The following RABEP1 variants were observed in gnomAD, a reference collection of about 807,000 sequenced individuals.
The protein encoded by RABEP1 is rabaptin, RAB GTPase binding effector protein 1, also known as rab GTPase-binding effector protein 1.
Under a neutral mutation model 123.4 loss-of-function variants are expected in RABEP1, and 51 were observed. That is an observed-to-expected ratio of 0.41 (90% CI 0.33 to 0.52). RABEP1 has a LOEUF of 0.52. Among genes scored for constraint, RABEP1 ranks in the 20% least tolerant of loss-of-function variants. The pLI, the probability that RABEP1 is intolerant of heterozygous loss-of-function variation, is 0.16. For missense variants in RABEP1, 888 were observed against 996.3 expected (o/e 0.89, Z 1.46); for synonymous variants, 347 against 355.2 (o/e 0.98, Z 0.26).
chr17:5,385,708 G>A lies in RABEP1; in HGVS notation c.*2485G>A, dbSNP rs2407. On this transcript the variant is annotated 3_prime_UTR_variant, in exon 18 of 18. Coordinates refer to ENST00000537505, the MANE Select transcript of RABEP1 (RefSeq NM_004703.6). ...AGTGGCCTTTGCAATTGTGGATCTT[G>A]AGCTCTGCTCTCAGCAGATTTCAGG... 98,638 of 230,764 alleles carry A rather than the reference G, an allele frequency of 0.43. 21,916 individuals are homozygous for A. The highest frequency in any genetic ancestry group is 0.67 in the East Asian group (10,798 of 16,180). 14.3% of individuals were successfully genotyped at this position (230,764 alleles called of 1,614,324 possible). A position where few individuals can be genotyped will look rare whatever the true frequency, so the allele number is the denominator to read the frequency against.
In RABEP1 at chr17:5,327,347, CAAAAA is replaced by C. The variant is rs772982752; in HGVS notation, c.164-4591_164-4587del. ...TGGGAGACAGAGTGAGATTCTGTCTCAAAAAAAAAAAAAAACCCCAAAAAACAAAC... is the reference window on the plus strand; with the variant it reads ...TGGGAGACAGAGTGAGATTCTGTCTCAAAAAAAAAACCCCAAAAAACAAAC... On this transcript the variant is annotated intron_variant, in intron 2 of 17. Transcript: ENST00000537505. Among the ~76,000 whole-genome samples, 32 of 75,248 alleles carry C rather than the reference CAAAAA, an allele frequency of 4.3e-4. No homozygotes were observed. The East Asian group carries it at 5.6e-3, about 13-fold the overall frequency. 49.4% of individuals were successfully genotyped at this position (75,248 alleles called of 152,430 possible). A position where few individuals can be genotyped will look rare whatever the true frequency, so the allele number is the denominator to read the frequency against.
chr17:5,364,681 C>G (rs1044298927), intron 10 of RABEP1, among the ~76,000 whole-genome samples: 1 of 142,940 alleles, frequency 7.0e-6, no homozygotes, highest in Non-Finnish European at 1.5e-5. Flanking sequence ...TGCAGTGAGC[C>G]GAGATTGCAG....
chr17:5,327,755 A>G (rs573465109), intron 2 of RABEP1, among the ~76,000 whole-genome samples: 1 of 152,362 alleles, frequency 6.6e-6, no homozygotes, highest in African/African-American at 2.4e-5. Flanking sequence ...ACATTTAAAA[A>G]TAGACAAAAG....
intron 5 of RABEP1, among the ~76,000 whole-genome samples, chr17:5,342,768 A>G (rs1907724012): frequency 6.6e-6 from 1 of 152,242 alleles, no homozygotes; most frequent in South Asian, 2.1e-4. Flanking sequence ...TTTTGAAGAC[A>G]AGATGAGGAG....
chr17:5,377,529 T>TTC (rs1911099439), intron 14 of RABEP1, among the ~76,000 whole-genome samples: 2 of 148,188 alleles, frequency 1.3e-5, no homozygotes, highest in Middle Eastern at 3.2e-3. Context: ...AATTTTTTTT[T>TTC]TTTTTTTTTT....
Position 5,373,350 on chromosome 17 carries a change from G to T in RABEP1, c.1921G>T (p.Glu641Ter). Residue 641 changes from glutamate (E) to a stop codon, truncating the protein, a stop_gained, in exon 13 of 18, where the codon GAG becomes TAG. Transcript: ENST00000537505. LOFTEE classifies it high-confidence loss of function. ...LMQSREQVSE[E>*]LVRLQKDNDS... ...GCAGTCACGGGAACAGGTTTCAGAA[G>T]AGCTGGTGAGGTTACAGAAAGATAA... The T allele has an allele frequency of 5.0e-6, 8 of 1,613,336 alleles. No homozygotes were observed. Among genetic ancestry groups the T allele is most frequent in the Non-Finnish European group, 6.8e-6 (8 of 1,179,866 alleles).
At chr17:5,366,187 A>G (rs1597388453) in intron 11 of RABEP1, among the ~76,000 whole-genome samples, 1 of 152,216 alleles carries the variant, frequency 6.6e-6, no homozygotes, top group East Asian at 1.9e-4. Context: ...CGGTGGATGT[A>G]TAATGGTATT....
chr17:5,372,614 T>G (rs1416369380), intron 12 of RABEP1, among the ~76,000 whole-genome samples: 1 of 152,224 alleles, frequency 6.6e-6, no homozygotes, highest in African/African-American at 2.4e-5. Context: ...TCTCCCTCCT[T>G]TCTGTCCAGT....
intron 1 of RABEP1, among the ~76,000 whole-genome samples, chr17:5,306,777 TTAAA>T (rs1264711969): frequency 6.6e-6 from 1 of 152,168 alleles, no homozygotes; most frequent in Non-Finnish European, 1.5e-5. Flanking sequence ...TTGTTACTCA[TTAAA>T]TAAATACCAC....
chr17:5,381,757 C>G (rs1209856206), intron 17 of RABEP1: 1 of 342,166 alleles, frequency 2.9e-6, no homozygotes, highest in African/African-American at 2.1e-5. Context: ...CCTTAGCATA[C>G]CATGTAAGAC....
chr17:5,348,729 T>A (rs993692967), intron 6 of RABEP1, among the ~76,000 whole-genome samples: 4 of 151,920 alleles, frequency 2.6e-5, no homozygotes, highest in Non-Finnish European at 5.9e-5. Context: ...CCTGGCTAAT[T>A]TTTTTGTATT....
At chr17:5,324,274 C>G (rs1415367437) in intron 2 of RABEP1, among the ~76,000 whole-genome samples, 2 of 152,052 alleles carry the variant, frequency 1.3e-5, no homozygotes, top group Non-Finnish European at 2.9e-5. Flanking sequence ...TACCCAGAAA[C>G]AAATCCATGC....
intron 1 of RABEP1, among the ~76,000 whole-genome samples, chr17:5,294,633 C>CTTTTTTTTTTTTTTTTTTTTTTTTTT (rs1185209680): frequency 1.9e-5 from 1 of 53,024 alleles, no homozygotes; most frequent in Non-Finnish European, 3.4e-5. Flanking sequence ...ACGGTATTGT[C>CTTTTTTTTTTTTTTTTTTTTTTTTTT]TTTTTTTTTT....
chr17:5,322,326 T>C (rs1905451005), intron 2 of RABEP1, among the ~76,000 whole-genome samples: 1 of 151,832 alleles, frequency 6.6e-6, no homozygotes, highest in Non-Finnish European at 1.5e-5. Context: ...CCACTCTGCA[T>C]GCCAAGTCTG....
chr17:5,286,703 A>C (rs983785918), intron 1 of RABEP1, among the ~76,000 whole-genome samples: 1 of 152,228 alleles, frequency 6.6e-6, no homozygotes, highest in Non-Finnish European at 1.5e-5. Flanking sequence ...ACTGTTTGTC[A>C]GGCACAATTC....
intron 2 of RABEP1, among the ~76,000 whole-genome samples, chr17:5,322,192 C>T (rs1905433022): frequency 6.6e-6 from 1 of 151,908 alleles, no homozygotes; most frequent in Non-Finnish European, 1.5e-5. Context: ...AGAAGTGAAA[C>T]TCCATCTCAA....
At chr17:5,331,922 T>C in intron 2 of RABEP1, 27 bp from the exon 3 acceptor site, 1 of 1,597,582 alleles carries the variant, frequency 6.3e-7, no homozygotes, top group Non-Finnish European at 8.6e-7. Context: ...TGAACATTAA[T>C]GGACTATCTT....
chr17:5,343,004 C>T (rs1907748597), intron 5 of RABEP1, among the ~76,000 whole-genome samples: 1 of 152,002 alleles, frequency 6.6e-6, no homozygotes, highest in Non-Finnish European at 1.5e-5. Flanking sequence ...TCGCGCCTGC[C>T]ATCTCAGCAC....
chr17:5,381,243 A>G (rs1911423379), intron 16 of RABEP1, 146 bp from the exon 17 acceptor site: 2 of 1,104,598 alleles, frequency 1.8e-6, no homozygotes, highest in East Asian at 3.4e-5. Flanking sequence ...CGCTTGCCCT[A>G]TAGATAAAGA....
Sources: gnomAD v4.1 joint callset for allele counts (sites outside exome capture counted in the v4.1 genomes callset) on GRCh38, gnomAD v4.1.1 for gene constraint, MANE v1.5 for transcripts, NCBI Gene and HGNC (gene_info 2026-07-23, HGNC 2026-07-21) for gene names.